Variants in PCSK4 observed in about 807,000 individuals in gnomAD.
PCSK4 encodes the protein proprotein convertase subtilisin/kexin type 4, also known as testicular tissue protein Li 135.
Under a neutral mutation model 80.3 loss-of-function variants are expected in PCSK4, and 64 were observed. The observed-to-expected ratio is 0.80, with a 90% CI of 0.65 to 0.98. The LOEUF (loss-of-function observed/expected upper bound fraction) is 0.98, where lower values mean the gene tolerates loss of function less well. Ranked by LOEUF, PCSK4 falls within the 50% of genes least tolerant of loss-of-function variation. PCSK4 has a pLI of 0.00. For synonymous variants in PCSK4, 561 were observed against 487.6 expected, an observed-to-expected ratio of 1.15 and a Z score of -1.98; for missense variants, 1,213 against 1,093.6, an observed-to-expected ratio of 1.11 and a Z score of -1.54.
At chr19:1,490,098 G>A (rs2084864975) in intron 1 of PCSK4, 60 bp downstream of exon 1, 4 of 1,597,798 alleles carry the variant, frequency 2.5e-6, no homozygotes, top group African/African-American at 1.3e-5. Flanking sequence ...CCTTGTCGGG[G>A]TCTAGGGTTG....
chr19:1,490,237 C>T, exon 1 of PCSK4: 1 of 1,612,800 alleles, frequency 6.2e-7, no homozygotes, highest in Non-Finnish European at 8.5e-7. Context: ...GACGGCCCAG[C>T]TGCTGACATA....
Position 1,490,300 on chromosome 19 carries a change from A to AG in PCSK4, c.46dup (p.Leu16ProfsTer31). On this transcript the variant is annotated frameshift_variant, in exon 1 of 15. Transcript: ENST00000300954. LOFTEE classifies it high-confidence loss of function. ...CACAGCCCGGGGGCGGACAAGGGCCAGGGCCAAGACCAGGCGCAGCCACAG... is the reference window on the plus strand; with the variant it reads ...CACAGCCCGGGGGCGGACAAGGGCCAGGGGCCAAGACCAGGCGCAGCCACAG... The AG allele has an allele frequency of 6.4e-7, 1 of 1,553,952 alleles. No individual in the cohort carries two copies. The highest frequency in any genetic ancestry group is 8.8e-7 in the Non-Finnish European group (1 of 1,142,696).
At chr19:1,486,989 T>C in exon 8 of PCSK4, 1 of 1,609,940 alleles carries the variant, frequency 6.2e-7, no homozygotes, top group Non-Finnish European at 8.5e-7. Flanking sequence ...GGTGTAGCCG[T>C]CGCAGTTGCA....
intron 14 of PCSK4, 64 bp downstream of exon 14, chr19:1,482,289 T>A (rs35522083): frequency 1.4e-3 from 2,136 of 1,531,266 alleles, no homozygotes; most frequent in Non-Finnish European, 1.8e-3. Flanking sequence ...TGGGGCCACA[T>A]GCACGCTGCC....
chr19:1,487,516 C>T (rs2145411343), intron 6 of PCSK4, 87 bp downstream of exon 6: 1 of 1,220,366 alleles, frequency 8.2e-7, no homozygotes, highest in Non-Finnish European at 1.2e-6. Flanking sequence ...AGAGGGTGGG[C>T]TCCCGAGTCC....
rs2084318579 is a variant in PCSK4 at position 1,482,035 on chromosome 19, CG to C, written c.1991del (p.Pro664ArgfsTer49). 6.4e-7 allele frequency: 1 copy of C among 1,565,834 alleles called. No homozygotes were observed. Among genetic ancestry groups the C allele is most frequent in the Non-Finnish European group, 8.6e-7 (1 of 1,158,600 alleles). On this transcript the variant is annotated frameshift_variant, in exon 15 of 15. Transcript: ENST00000300954. LOFTEE classifies it low-confidence loss of function (END_TRUNC). Reference sequence around the variant, plus strand: ...ATGGGGGACAGGAGGTGCAGTCCCTCGGGGAGCCGCCGCGGCAGGTGTAGCA... The same window carrying C: ...ATGGGGGACAGGAGGTGCAGTCCCTCGGGAGCCGCCGCGGCAGGTGTAGCA...
chr19:1,483,109 C>T lies in PCSK4; in HGVS notation c.1572-89G>A, dbSNP rs2084392515. 8.3e-6 allele frequency: 11 copies of T among 1,318,422 alleles called. No individual in the cohort carries two copies. The South Asian group carries it at 1.0e-4, about 12-fold the overall frequency. The allele number at this position is 1,318,422 out of a possible 1,614,324, so 81.7% of individuals were successfully genotyped here. ...GCCCCATGAAGTGTCTGACCGCACGCGCTGGTGGCCGCGTGTCCTCTGGGT... is the reference window on the plus strand; with the variant it reads ...GCCCCATGAAGTGTCTGACCGCACGTGCTGGTGGCCGCGTGTCCTCTGGGT... On this transcript the variant is annotated intron_variant, in intron 12 of 14. Transcript: ENST00000300954.
chr19:1,484,844 A>G (rs763680489), intron 8 of PCSK4, among the ~76,000 whole-genome samples: 2 of 151,916 alleles, frequency 1.3e-5, no homozygotes, highest in Non-Finnish European at 2.9e-5. Context: ...CAAGAACTGA[A>G]GTCAAAAAGT....
exon 8 of PCSK4, chr19:1,486,985 G>A (rs1274582644): frequency 6.2e-7 from 1 of 1,609,848 alleles, no homozygotes; most frequent in South Asian, 1.1e-5. Context: ...TGTTGGTGTA[G>A]CCGTCGCAGT....
At chr19:1,490,324 A>G in exon 1 of PCSK4, 1 of 1,414,412 alleles carries the variant, frequency 7.1e-7, no homozygotes. Context: ...GCGCAGCCAC[A>G]GCGCAATCGG....
chr19:1,490,289 G>C (rs750890730), exon 1 of PCSK4: 2 of 1,584,158 alleles, frequency 1.3e-6, no homozygotes, highest in South Asian at 2.3e-5. Context: ...GCCCGGGGGC[G>C]GACAAGGGCC....
chr19:1,483,395 C>A lies in PCSK4; in HGVS notation c.1460G>T (p.Arg487Leu), dbSNP rs138753328. The change falls in exon 12 of 15, where the codon CGC becomes CTC. Residue 487 changes from arginine to leucine, a missense_variant. By Grantham distance (102) the Arg-to-Leu change is moderately radical (BLOSUM62 -2). Transcript: ENST00000300954. The stretch of plus-strand genomic sequence containing the variant: ...CTGCGCCTGCACGTGCTCCAGCGAG[C>A]GGATGGAGTTGTGGAGGCCGGCGCA... The A allele has an allele frequency of 2.0e-4, 318 of 1,604,398 alleles. No homozygotes were observed. The Middle Eastern group carries it at 2.0e-3, about 10-fold the overall frequency.
intron 8 of PCSK4, among the ~76,000 whole-genome samples, chr19:1,486,504 G>A (rs1433154094): frequency 1.3e-5 from 2 of 150,298 alleles, no homozygotes; most frequent in Non-Finnish European, 3.0e-5. Context: ...CACTCTGTTA[G>A]CCAGGATGGT....
Position 1,483,641 on chromosome 19 carries a change from G to T in PCSK4, c.1391+9C>A. ...GCGGGGATAGCGGAGGGGCGCGCAG[G>T]GGTCTCACGTGGGGCGGCTCTGGAC... On this transcript the variant is annotated intron_variant, in intron 11 of 14. Transcript: ENST00000300954. 6.4e-7 allele frequency: 1 copy of T among 1,574,096 alleles called. No homozygotes were observed. Among genetic ancestry groups the T allele is most frequent in the East Asian group, 2.3e-5 (1 of 44,142 alleles).
intron 8 of PCSK4, among the ~76,000 whole-genome samples, chr19:1,486,591 T>C (rs1378195074): frequency 1.3e-5 from 2 of 151,004 alleles, no homozygotes; most frequent in Non-Finnish European, 3.0e-5. Context: ...CCACCGTGCC[T>C]GGCCTTTTTT....
intron 8 of PCSK4, among the ~76,000 whole-genome samples, chr19:1,485,496 C>T (rs184118718): frequency 4.6e-5 from 7 of 152,208 alleles, no homozygotes; most frequent in African/African-American, 1.2e-4. Flanking sequence ...GCCCGGCAGG[C>T]GTAGGTTGCA....
exon 15 of PCSK4, chr19:1,481,851 C>G: frequency 1.3e-6 from 2 of 1,574,374 alleles, no homozygotes; most frequent in South Asian, 1.2e-5. Context: ...ATGGACATGC[C>G]GCAGAGGACG....
At position 1,482,282 on chromosome 19, in the gene PCSK4, G is replaced by A. The variant is rs1213927816; in HGVS notation, c.1819+71C>T. 3.3e-6 allele frequency: 5 copies of A among 1,530,158 alleles called. No homozygotes were observed. The African/African-American group carries it at 5.5e-5, about 17-fold the overall frequency. The allele number at this position is 1,530,158 out of a possible 1,614,324, so 94.8% of individuals were successfully genotyped here. A position where few individuals can be genotyped will look rare whatever the true frequency, so the allele number is the denominator to read the frequency against. ...TGTTACTCGCCACCCGCCCGCCTGG[G>A]GCCACATGCACGCTGCCCACGGTGG... On this transcript the variant is annotated intron_variant, in intron 14 of 14. Coordinates refer to ENST00000300954, the Ensembl canonical transcript of PCSK4.
At chr19:1,485,285 C>T (rs541403009) in intron 8 of PCSK4, among the ~76,000 whole-genome samples, 3 of 151,812 alleles carry the variant, frequency 2.0e-5, no homozygotes, top group Admixed American at 6.6e-5. Context: ...AAAAATTAGC[C>T]GGGCATGGTG....
Sources: allele counts gnomAD v4.1 joint callset (sites outside exome capture counted in the v4.1 genomes callset), GRCh38; gene constraint gnomAD v4.1.1; transcripts MANE v1.5; gene names NCBI Gene and HGNC (gene_info 2026-07-23, HGNC 2026-07-21).